MYO16: variants seen among roughly 807,000 people sequenced by gnomAD.
MYO16 encodes unconventional myosin-XVI.
Under a neutral mutation model 205.3 loss-of-function variants are expected in MYO16, and 94 were observed. The observed-to-expected ratio is 0.46, with a 90% CI of 0.39 to 0.54. The LOEUF is 0.54. MYO16 is among the 20% of genes least tolerant of loss of function. The pLI is 0.00. For missense variants in MYO16, 2,315 were observed against 2,387.5 expected, an observed-to-expected ratio of 0.97 and a Z score of 0.63; for synonymous variants, 988 against 954.0, an observed-to-expected ratio of 1.04 and a Z score of -0.66.
At chr13:108,564,415 C>T in the MYO16 span, among the ~76,000 whole-genome samples, 1 of 152,108 alleles carries the variant, frequency 6.6e-6, no homozygotes, top group Non-Finnish European at 1.5e-5. Context: ...ATGATCTGCC[C>T]ATCTCGGCCT....
intron 4 of MYO16, among the ~76,000 whole-genome samples, chr13:108,744,595 T>C (rs1353959079): frequency 1.3e-5 from 2 of 152,250 alleles, no homozygotes; most frequent in Non-Finnish European, 2.9e-5. Context: ...TTCAGCCCAC[T>C]GGAGCCCTTC....
chr13:108,778,698 G>A (rs564307215), intron 4 of MYO16, among the ~76,000 whole-genome samples: 5 of 152,228 alleles, frequency 3.3e-5, no homozygotes, highest in South Asian at 2.1e-4. Flanking sequence ...CTAGTCCATC[G>A]CAATTAACAA....
chr13:108,571,644 T>C, the MYO16 span, among the ~76,000 whole-genome samples: 7 of 152,064 alleles, frequency 4.6e-5, no homozygotes, highest in Admixed American at 2.6e-4. Context: ...TCTTGTGGGT[T>C]CTCTGGCTGC....
chr13:108,562,534 C>T, the MYO16 span, among the ~76,000 whole-genome samples: 1 of 152,128 alleles, frequency 6.6e-6, no homozygotes. Flanking sequence ...CAGCGTCCCA[C>T]TTCTGGGAAA....
At chr13:108,646,520 T>TA (rs1218844012) in intron 1 of MYO16, among the ~76,000 whole-genome samples, 2 of 152,250 alleles carry the variant, frequency 1.3e-5, no homozygotes, top group Non-Finnish European at 2.9e-5. Context: ...GTAGAATTTG[T>TA]AAATTGGCAT....
At chr13:108,841,445 TA>T (rs375165414) in intron 9 of MYO16, among the ~76,000 whole-genome samples, 169 of 152,324 alleles carry the variant, frequency 1.1e-3, no homozygotes, top group African/African-American at 3.8e-3. Flanking sequence ...GTGTAAAGCT[TA>T]AAATTGTACA....
At chr13:108,804,772 A>G (rs1490021943) in intron 6 of MYO16, among the ~76,000 whole-genome samples, 1 of 152,220 alleles carries the variant, frequency 6.6e-6, no homozygotes, top group Non-Finnish European at 1.5e-5. Context: ...TAAACTTGCC[A>G]GCCTCCACAA....
intron 1 of MYO16, among the ~76,000 whole-genome samples, chr13:108,603,454 G>GT (rs1396673722): frequency 3.9e-5 from 6 of 152,016 alleles, no homozygotes; most frequent in African/African-American, 1.4e-4. Context: ...TACAACTTTG[G>GT]TTTTTTATGA....
At chr13:109,165,551 G>A (rs1265326370) in intron 33 of MYO16, among the ~76,000 whole-genome samples, 2 of 152,198 alleles carry the variant, frequency 1.3e-5, no homozygotes, top group African/African-American at 4.8e-5. Context: ...AGAAGACAAA[G>A]GCGTCTGGGA....
At position 109,068,866 on chromosome 13, in the gene MYO16, C is replaced by G. The variant is rs1268477037; in HGVS notation, c.3335+13271C>G. ...TTGGCCTCCCAAAGTGCTGGAATTA[C>G]AGGTGAGAGCCACCGTGCCCAGCCC... On this transcript the variant is annotated intron_variant, in intron 27 of 34. Transcript: ENST00000457511. Among the ~76,000 whole-genome samples, 4 of 152,302 alleles carry G rather than the reference C, an allele frequency of 2.6e-5. No homozygotes were observed. The East Asian group carries it at 7.7e-4, about 29-fold the overall frequency.
At chr13:108,771,461 A>G (rs938000049) in intron 4 of MYO16, among the ~76,000 whole-genome samples, 1 of 152,044 alleles carries the variant, frequency 6.6e-6, no homozygotes, top group Non-Finnish European at 1.5e-5. Context: ...AGAGTAGTTC[A>G]TTTGTTACAA....
chr13:109,004,592 A>G (rs1481989832), intron 21 of MYO16, among the ~76,000 whole-genome samples: 1 of 152,192 alleles, frequency 6.6e-6, no homozygotes, highest in African/African-American at 2.4e-5. Context: ...GACAGATGCT[A>G]CATAGTTGCA....
intron 3 of MYO16, among the ~76,000 whole-genome samples, chr13:108,721,970 A>G (rs1884181920): frequency 6.6e-6 from 1 of 152,192 alleles, no homozygotes; most frequent in Non-Finnish European, 1.5e-5. Flanking sequence ...GGTTACCCAT[A>G]TAGTCACACG....
intron 6 of MYO16, among the ~76,000 whole-genome samples, chr13:108,795,181 T>G (rs965399340): frequency 2.0e-4 from 26 of 132,270 alleles, no homozygotes; most frequent in African/African-American, 7.0e-4. Flanking sequence ...GCTTCTAAAA[T>G]TTCCCTTTTC....
chr13:108,935,203 T>G (rs1882426201), intron 16 of MYO16, among the ~76,000 whole-genome samples: 1 of 152,122 alleles, frequency 6.6e-6, no homozygotes, highest in Non-Finnish European at 1.5e-5. Context: ...CTGTTGGTTG[T>G]TTGGGGCAGT....
chr13:108,721,389 G>A (rs932945987), intron 3 of MYO16, among the ~76,000 whole-genome samples: 3 of 152,142 alleles, frequency 2.0e-5, no homozygotes, highest in African/African-American at 7.2e-5. Context: ...CCAGAGGTGT[G>A]GATAAAGATT....
chr13:109,016,313 C>T (rs1312450442), intron 22 of MYO16, among the ~76,000 whole-genome samples: 1 of 152,162 alleles, frequency 6.6e-6, no homozygotes, highest in East Asian at 1.9e-4. Flanking sequence ...TTTGATTGTA[C>T]TGTGGTCTGA....
At position 108,837,477 on chromosome 13, in the gene MYO16, A is replaced by G. The variant is rs143714719; in HGVS notation, c.1098-6866A>G. Among the ~76,000 whole-genome samples the G allele has an allele frequency of 5.2e-3, 785 of 152,282 alleles. 9 individuals carry two copies. The highest frequency in any genetic ancestry group is 0.018 in the African/African-American group (745 of 41,558). On this transcript the variant is annotated intron_variant, in intron 9 of 34. Transcript: ENST00000457511. ...TATGATATAATTGAGTGAGTTAGTG[A>G]CTTATTTTTGAGATGCAGGTGAAAA... is the stretch of plus-strand genomic sequence containing the variant.
At chr13:109,136,386 C>G (rs1876779391) in intron 31 of MYO16, among the ~76,000 whole-genome samples, 1 of 152,140 alleles carries the variant, frequency 6.6e-6, no homozygotes, top group Admixed American at 6.5e-5. Context: ...AGTCACTGTG[C>G]CTGCCTGGAA....
Sources: gnomAD v4.1 joint callset for allele counts (sites outside exome capture counted in the v4.1 genomes callset) on GRCh38, gnomAD v4.1.1 for gene constraint, MANE v1.5 for transcripts, NCBI Gene and HGNC (gene_info 2026-07-23, HGNC 2026-07-21) for gene names.